Variants in USP39 observed in about 807,000 individuals in gnomAD.
USP39 encodes ubiquitin specific peptidase 39.
Under a neutral mutation model 66.4 loss-of-function variants are expected in USP39, and 38 were observed. The observed-to-expected ratio is 0.57, with a 90% CI of 0.44 to 0.75. The LOEUF (loss-of-function observed/expected upper bound fraction) is 0.75. Ranked by LOEUF, USP39 falls within the 30% of genes least tolerant of loss-of-function variation. USP39 has a pLI of 0.00. For missense variants in USP39, 608 were observed against 714.4 expected (o/e 0.85, Z 1.70); for synonymous variants, 303 against 274.6 (o/e 1.10, Z -1.02).
At chr2:85,603,133 C>G (rs1021770086) in intron 1 of USP39, 4 of 152,240 alleles carry the variant, frequency 2.6e-5, no homozygotes, top group African/African-American at 9.6e-5. Flanking sequence ...CTGCCTCTGG[C>G]CAGGGCTGCG....
In USP39 at chr2:85,621,548, T is replaced by C. The variant is rs1199091049; in HGVS notation, c.402T>C (p.Tyr134=). The change falls in exon 3 of 13, where the codon TAT becomes TAC. Residue 134 remains tyrosine (Y), a synonymous_variant. Transcript: ENST00000323701. ...CSISLSHINA[Y]ACLVCGKYFQ... ...TCTCCCTCTCACACATCAATGCTTA[T>C]GCCTGTCTGGTGTGTGGCAAGTACT... The C allele has an allele frequency of 1.9e-6, 3 of 1,614,024 alleles. No individual in the cohort carries two copies. The highest frequency in any genetic ancestry group is 1.3e-5 in the African/African-American group (1 of 74,938).
chr2:85,606,804 TG>T (rs1673230437), intron 1 of USP39: 1 of 150,772 alleles, frequency 6.6e-6, no homozygotes, highest in East Asian at 1.9e-4. Context: ...TTTTTTGAGA[TG>T]GAGTCTCGCT....
chr2:85,641,110 C>T lies in USP39; in HGVS notation c.1419C>T (p.Phe473=), dbSNP rs1364382492. 6.2e-7 allele frequency: 1 copy of T among 1,612,616 alleles called. No homozygotes were observed. The highest frequency in any genetic ancestry group is 1.7e-5 in the Admixed American group (1 of 59,562). ...AGAAGAATCCAACTATTGTCAATTT[C>T]CCTATTACGTAAGTAACATCCTGCC... ...FVEKNPTIVN[F]PITNVDLREY... The change falls in exon 10 of 13, where the codon TTC becomes TTT. Residue 473 remains phenylalanine (F), a synonymous_variant. Transcript: ENST00000323701.
chr2:85,616,514 C>T (rs1224994546), intron 1 of USP39, 51 bp downstream of exon 1: 21 of 1,064,800 alleles, frequency 2.0e-5, no homozygotes, highest in South Asian at 1.4e-4. Flanking sequence ...TTTTCGCGTC[C>T]TTTTTTCTTG....
intron 1 of USP39, among the ~76,000 whole-genome samples, chr2:85,604,753 T>A (rs978562141): frequency 2.6e-5 from 4 of 152,244 alleles, no homozygotes; most frequent in African/African-American, 4.8e-5. Context: ...ATCTGCCCAA[T>A]GGGGCTGTGA....
intron 1 of USP39, among the ~76,000 whole-genome samples, chr2:85,605,371 G>A (rs147803885): frequency 7.4e-4 from 113 of 152,320 alleles, no homozygotes; most frequent in African/African-American, 2.6e-3. Flanking sequence ...CATTGGAAAT[G>A]AGTAAACTGG....
chr2:85,634,024 A>G (rs974131691), intron 6 of USP39, among the ~76,000 whole-genome samples: 2 of 149,786 alleles, frequency 1.3e-5, no homozygotes, highest in African/African-American at 4.9e-5. Context: ...TTTTTAGTAG[A>G]GACGGGGTTT....
At chr2:85,620,177 A>G (rs1300719784) in intron 2 of USP39, among the ~76,000 whole-genome samples, 3 of 151,644 alleles carry the variant, frequency 2.0e-5, no homozygotes, top group Non-Finnish European at 2.9e-5. Flanking sequence ...CATCTTTTAA[A>G]AAAACTTAAA....
At chr2:85,645,144 C>A in intron 11 of USP39, 61 bp downstream of exon 11, 2 of 1,607,450 alleles carry the variant, frequency 1.2e-6, no homozygotes, top group East Asian at 4.5e-5. Context: ...TCTTTGGCAT[C>A]TCAGAGGGCA....
upstream of USP39, chr2:85,612,192 C>A: frequency 9.7e-7 from 1 of 1,028,230 alleles, no homozygotes; most frequent in Non-Finnish European, 1.4e-6. Context: ...GACTTCCACC[C>A]CCCGGACGGA....
chr2:85,612,687 G>A (rs962408731), upstream of USP39, among the ~76,000 whole-genome samples: 5 of 151,562 alleles, frequency 3.3e-5, no homozygotes, highest in Admixed American at 2.6e-4. Flanking sequence ...TTGAGAAGGA[G>A]TCTCACTCTG....
chr2:85,630,602 G>T (rs919733835), intron 5 of USP39, 119 bp from the exon 6 acceptor site: 2 of 895,030 alleles, frequency 2.2e-6, no homozygotes, highest in Non-Finnish European at 1.7e-6. Flanking sequence ...TTTACTTTTG[G>T]CTCTTTAAGG....
upstream of USP39, chr2:85,609,111 C>A (rs144427574): frequency 6.0e-5 from 96 of 1,605,930 alleles, no homozygotes; most frequent in African/African-American, 1.1e-3. Flanking sequence ...TGGCCTCTTC[C>A]AGAAAGGTGA....
chr2:85,627,312 G>C (rs1168718913), intron 5 of USP39, among the ~76,000 whole-genome samples: 2 of 152,058 alleles, frequency 1.3e-5, no homozygotes, highest in Non-Finnish European at 2.9e-5. Flanking sequence ...GGCCAGGCTG[G>C]TCTTGAACTC....
At chr2:85,613,853 C>G (rs1343685113), upstream of USP39, among the ~76,000 whole-genome samples, 1 of 152,098 alleles carries the variant, frequency 6.6e-6, no homozygotes, top group African/African-American at 2.4e-5. Flanking sequence ...TCACTGCTCA[C>G]TGCAGCCTCC....
chr2:85,616,108 T>G (rs1573387065), upstream of USP39: 1 of 1,363,258 alleles, frequency 7.3e-7, no homozygotes, highest in Non-Finnish European at 9.5e-7. Flanking sequence ...AGTTCGGGGC[T>G]CGCTACCAGC....
chr2:85,640,414 G>A lies in USP39; in HGVS notation c.1285-562G>A, dbSNP rs370623186. Among the ~76,000 whole-genome samples the A allele has an allele frequency of 5.2e-4, 78 of 151,228 alleles. 2 individuals are homozygous for A. In the South Asian group the frequency reaches 0.011, roughly 21 times the overall value. ...AGCGATTCTTCTGCCTCAGCCTCCC[G>A]AGTAGCTGGGACTACAGGTACATGC... is the stretch of plus-strand genomic sequence containing the variant. On this transcript the variant is annotated intron_variant, in intron 9 of 12. Coordinates refer to ENST00000323701, the MANE Select transcript of USP39 (RefSeq NM_006590.4).
chr2:85,612,761 A>G (rs1349624721), upstream of USP39, among the ~76,000 whole-genome samples: 1 of 151,716 alleles, frequency 6.6e-6, no homozygotes, highest in African/African-American at 2.4e-5. Flanking sequence ...CCCGGGTTCA[A>G]GCGATTCTCC....
intron 2 of USP39, 135 bp downstream of exon 2, chr2:85,619,424 C>T (rs1674279182): frequency 3.8e-6 from 3 of 798,512 alleles, no homozygotes; most frequent in Non-Finnish European, 2.0e-6. Flanking sequence ...TGCTTCTTGC[C>T]ATGTTACTCC....
Sources: gnomAD v4.1 joint callset for allele counts (sites outside exome capture counted in the v4.1 genomes callset) on GRCh38, gnomAD v4.1.1 for gene constraint, MANE v1.5 for transcripts, NCBI Gene and HGNC (gene_info 2026-07-23, HGNC 2026-07-21) for gene names.